ADAMTSL1: variants seen among roughly 807,000 people sequenced by gnomAD.
ADAMTSL1 encodes ADAMTS-like protein 1.
A neutral mutation model predicts 201.8 loss-of-function variants in ADAMTSL1; 126 were observed. The ratio of observed to expected loss-of-function variants is 0.62; its 90% CI spans 0.54 to 0.72. The LOEUF (loss-of-function observed/expected upper bound fraction) is 0.72. ADAMTSL1 is among the 30% of genes least tolerant of loss of function. The probability of loss-of-function intolerance (pLI) is 0.00; values close to 1 mark genes in which losing one functional copy is unlikely to be tolerated. For missense variants in ADAMTSL1, 2,679 were observed against 2,277.8 expected, an observed-to-expected ratio of 1.18 and a Z score of -3.59; for synonymous variants, 1,121 against 903.4, an observed-to-expected ratio of 1.24 and a Z score of -4.32.
intron 2 of ADAMTSL1, among the ~76,000 whole-genome samples, chr9:18,417,593 A>G (rs2133345247): frequency 6.6e-6 from 1 of 152,226 alleles, no homozygotes; most frequent in Non-Finnish European, 1.5e-5. Context: ...AAAAGAGAAT[A>G]CTACAAACAA....
intron 7 of ADAMTSL1, among the ~76,000 whole-genome samples, chr9:18,652,613 T>G (rs889878389): frequency 2.6e-5 from 4 of 152,244 alleles, no homozygotes; most frequent in Non-Finnish European, 4.4e-5. Context: ...CAGCACTTTA[T>G]TATAAAACAT....
At chr9:18,349,990 C>T (rs150372972) in intron 2 of ADAMTSL1, among the ~76,000 whole-genome samples, 283 of 150,752 alleles carry the variant, frequency 1.9e-3, no homozygotes, top group African/African-American at 6.0e-3. Context: ...GACAAAGATA[C>T]ACAAAAAAGC....
At chr9:18,340,298 G>T (rs1241205092) in intron 2 of ADAMTSL1, among the ~76,000 whole-genome samples, 2 of 152,012 alleles carry the variant, frequency 1.3e-5, no homozygotes, top group East Asian at 3.9e-4. Flanking sequence ...TTTTTCTCTT[G>T]GTCAGTATTA....
intron 1 of ADAMTSL1, among the ~76,000 whole-genome samples, chr9:18,074,309 T>C (rs1823097650): frequency 6.6e-6 from 1 of 152,166 alleles, no homozygotes; most frequent in Non-Finnish European, 1.5e-5. Flanking sequence ...GATGTCTGTA[T>C]GCTGCCAAAA....
At chr9:18,689,629 C>A (rs141416378) in intron 13 of ADAMTSL1, among the ~76,000 whole-genome samples, 21 of 152,306 alleles carry the variant, frequency 1.4e-4, no homozygotes, top group African/African-American at 4.8e-4. Context: ...AGGACCAGTG[C>A]GGCACTTAGG....
At chr9:18,564,732 G>A (rs1390054511) in intron 3 of ADAMTSL1, among the ~76,000 whole-genome samples, 1 of 152,170 alleles carries the variant, frequency 6.6e-6, no homozygotes, top group African/African-American at 2.4e-5. Context: ...GGAGGTGGGA[G>A]AGAACACTTA....
At chr9:18,433,916 A>G (rs964184811) in intron 2 of ADAMTSL1, among the ~76,000 whole-genome samples, 2 of 152,216 alleles carry the variant, frequency 1.3e-5, no homozygotes, top group Admixed American at 6.5e-5. Flanking sequence ...TTTGCTGTTT[A>G]GGGGAATGCT....
intron 23 of ADAMTSL1, among the ~76,000 whole-genome samples, chr9:18,837,437 T>C (rs78846912): frequency 6.6e-6 from 1 of 152,360 alleles, no homozygotes; most frequent in Non-Finnish European, 1.5e-5. Flanking sequence ...TAGATCTCTA[T>C]TCTATTTCAT....
intron 15 of ADAMTSL1, among the ~76,000 whole-genome samples, chr9:18,746,179 C>T (rs1290340846): frequency 1.3e-5 from 2 of 152,108 alleles, no homozygotes; most frequent in Non-Finnish European, 2.9e-5. Context: ...TTTTGAGTGA[C>T]ATTTTGGTGG....
intron 7 of ADAMTSL1, chr9:18,651,031 C>T (rs1374145228): frequency 1.3e-5 from 2 of 152,212 alleles, no homozygotes; most frequent in Non-Finnish European, 2.9e-5. Context: ...AAACCAATCA[C>T]TATACTCTAT....
chr9:18,230,854 G>A (rs1232962971), intron 2 of ADAMTSL1, among the ~76,000 whole-genome samples: 1 of 152,156 alleles, frequency 6.6e-6, no homozygotes, highest in African/African-American at 2.4e-5. Context: ...GCAAGTAACT[G>A]AGAATGTATT....
chr9:18,717,630 A>G (rs1482146890), intron 14 of ADAMTSL1, among the ~76,000 whole-genome samples: 3 of 152,228 alleles, frequency 2.0e-5, no homozygotes, highest in Admixed American at 6.5e-5. Context: ...GTACTCTCCA[A>G]TACAAAGTAT....
At chr9:18,759,090 G>T (rs946946058) in intron 16 of ADAMTSL1, among the ~76,000 whole-genome samples, 3 of 152,144 alleles carry the variant, frequency 2.0e-5, no homozygotes, top group Non-Finnish European at 4.4e-5. Context: ...TATGTTTTAT[G>T]TTCAAGATTG....
At chr9:18,554,921 A>G (rs1050032704) in intron 3 of ADAMTSL1, among the ~76,000 whole-genome samples, 1 of 144,890 alleles carries the variant, frequency 6.9e-6, no homozygotes, top group Non-Finnish European at 1.5e-5. Context: ...CTTGTGTTGT[A>G]CATTCTATGG....
At chr9:18,902,265 C>G (rs1212275592) in intron 26 of ADAMTSL1, among the ~76,000 whole-genome samples, 2 of 152,186 alleles carry the variant, frequency 1.3e-5, no homozygotes, top group Admixed American at 1.3e-4. Context: ...ATTGGAGCAA[C>G]AGACATACAG....
At chr9:18,281,275 A>C (rs1305197606) in intron 2 of ADAMTSL1, among the ~76,000 whole-genome samples, 1 of 152,202 alleles carries the variant, frequency 6.6e-6, no homozygotes, top group East Asian at 1.9e-4. Context: ...AGAAGGGAAA[A>C]GATATATATA....
At chr9:18,300,766 G>A (rs1202706359) in intron 2 of ADAMTSL1, among the ~76,000 whole-genome samples, 4 of 152,086 alleles carry the variant, frequency 2.6e-5, no homozygotes, top group Non-Finnish European at 5.9e-5. Context: ...AAGGCAAAGG[G>A]AAGTCCCATG....
At chr9:17,989,525 G>A (rs763418268) in intron 1 of ADAMTSL1, among the ~76,000 whole-genome samples, 18 of 151,986 alleles carry the variant, frequency 1.2e-4, no homozygotes, top group Non-Finnish European at 2.4e-4. Flanking sequence ...GTTTTTGCAA[G>A]TTAATTACTT....
At chr9:18,625,531 C>T (rs1473172768) in intron 5 of ADAMTSL1, among the ~76,000 whole-genome samples, 1 of 152,056 alleles carries the variant, frequency 6.6e-6, no homozygotes, top group Non-Finnish European at 1.5e-5. Flanking sequence ...AAAAGACTAC[C>T]CACTGGTAGC....
Sources: gnomAD v4.1 joint callset for allele counts (sites outside exome capture counted in the v4.1 genomes callset) on GRCh38, gnomAD v4.1.1 for gene constraint, MANE v1.5 for transcripts, NCBI Gene and HGNC (gene_info 2026-07-23, HGNC 2026-07-21) for gene names.